TNXB: variants seen among roughly 807,000 people sequenced by gnomAD.
The protein encoded by TNXB is tenascin XB, also known as tenascin-X.
In TNXB, 183 loss-of-function variants were observed where a neutral mutation model predicts 340.5. That is an observed-to-expected ratio of 0.54 (90% CI 0.48 to 0.61). TNXB has a LOEUF of 0.61. Among genes scored for constraint, TNXB ranks in the 20% least tolerant of loss-of-function variants. The pLI, the probability that TNXB is intolerant of heterozygous loss-of-function variation, is 0.00. For missense variants in TNXB, 4,613 were observed against 5,446.4 expected (o/e 0.85, Z 4.82); for synonymous variants, 2,121 against 2,314.5 (o/e 0.92, Z 2.40).
At chr6:32,093,216 G>C in intron 4 of TNXB, 1 of 606,064 alleles carries the variant, frequency 1.6e-6, no homozygotes, top group Non-Finnish European at 3.0e-6. Flanking sequence ...GAAGAGAGTG[G>C]GAGAAACACT....
rs1780333582 is a variant in TNXB, at chr6:32,096,155, G to T, written c.1698C>A (p.Arg566=). ...TRSCPGGCRG[R]GQCLDGRCVC... ...CACACCGCCCATCTAGGCACTGGCC[G>T]CGGCCTCGGCAGCCCCCGGGGCAGC... Residue 566 remains arginine (R), a synonymous_variant, in exon 3 of 44, where the codon CGC becomes CGA. Coordinates refer to ENST00000644971, the MANE Select transcript of TNXB (RefSeq NM_001365276.2). 1.3e-6 allele frequency: 2 copies of T among 1,584,616 alleles called. No individual in the cohort carries two copies. The highest frequency in any genetic ancestry group is 1.8e-5 in the Admixed American group (1 of 55,072).
chr6:32,073,855 G>A lies in TNXB; in HGVS notation c.4473C>T (p.Gly1491=), dbSNP rs1326660205. The change falls in exon 12 of 44, where the codon GGC becomes GGT. Residue 1491 remains glycine (G), a synonymous_variant. Coordinates refer to ENST00000644971, the MANE Select transcript of TNXB (RefSeq NM_001365276.2). The surrounding 1 kb of genome is among the most constrained non-coding windows in gnomAD (Gnocchi z 4.6). ...TVTDVTPNSV[G]LSWTVPEGQF... is the part of the protein sequence containing the mutation. ...GGCCCTCGGGGACTGTCCAGGAGAGGCCCACAGAGTTGGGGGTCACATCTG... is the reference window on the plus strand; with the variant it reads ...GGCCCTCGGGGACTGTCCAGGAGAGACCCACAGAGTTGGGGGTCACATCTG... 1 of 1,611,284 alleles carries A rather than the reference G, an allele frequency of 6.2e-7. No homozygotes were observed. Among genetic ancestry groups the A allele is most frequent in the Non-Finnish European group, 8.5e-7 (1 of 1,179,014 alleles).
Position 32,062,163 on chromosome 6 carries a change from C to A in TNXB, c.7162G>T (p.Val2388Leu), listed in dbSNP as rs778426181. The A allele has an allele frequency of 5.6e-6, 9 of 1,610,508 alleles. No homozygotes were observed. The Admixed American group carries it at 8.3e-5, about 15-fold the overall frequency. ...GCTCCCATCGTCCACTCACCTGTCA[C>A]CCCGATGGCAGACACGGGGCCCACA... Reference protein sequence around the residue: ...QRVGPVSAIGVTAAEEETPSP... With the variant: ...QRVGPVSAIGLTAAEEETPSP... The change falls in exon 20 of 44, where the codon GTG (valine) becomes TTG (leucine). Residue 2388 changes from valine (V) to leucine (L), a missense_variant. Physicochemically the swap from Val to Leu is conservative, Grantham distance 32. Transcript: ENST00000644971. The surrounding 1 kb of genome is among the most constrained non-coding windows in gnomAD (Gnocchi z 4.3).
rs1279482319 is a variant in TNXB at position 32,070,132 on chromosome 6, G to A, written c.5273C>T (p.Thr1758Ile). ...CTGCAGGGAATGCCCCTCACCCGTG[G>A]TGCCGTCGGCAGTGAGAGGGCCATG... ...KRHGPLTADGTTEARSAMDDT... is the reference protein window; with the variant it reads ...KRHGPLTADGITEARSAMDDT... The change falls in exon 14 of 44, where the codon ACC (threonine) becomes ATC (isoleucine). Residue 1758 changes from threonine to isoleucine, a missense_variant. Physicochemically the swap from Thr to Ile is moderately conservative, Grantham distance 89. This residue lies in a region of TNXB where 4,327 missense variants were observed against 4,859.4 expected (regional missense o/e 0.89). Coordinates refer to ENST00000644971, the MANE Select transcript of TNXB (RefSeq NM_001365276.2). This position sits in a 1 kb window ranked among gnomAD's most constrained non-coding sequence, Gnocchi z 6.0. 1 of 1,566,890 alleles carries A rather than the reference G, an allele frequency of 6.4e-7. No homozygotes were observed. Among genetic ancestry groups the A allele is most frequent in the Non-Finnish European group, 8.7e-7 (1 of 1,152,834 alleles).
rs1207470785 is a variant in TNXB, at chr6:32,107,840, T to C, written c.-9+1341A>G. On this transcript the variant is annotated intron_variant, in intron 1 of 43. Transcript: ENST00000644971. ...CTACACCCTCAGTTGAATCTGGCAATGAGAGGTGAAGGTAGAAGGATTCTA... is the reference window on the plus strand; with the variant it reads ...CTACACCCTCAGTTGAATCTGGCAACGAGAGGTGAAGGTAGAAGGATTCTA... 2.0e-5 allele frequency among the ~76,000 whole-genome samples: 3 copies of C among 151,832 alleles called. No homozygotes were observed. The East Asian group carries it at 5.8e-4, about 29-fold the overall frequency.
Position 32,088,835 on chromosome 6 carries a change from G to T in TNXB, c.2729C>A (p.Ala910Glu). The T allele has an allele frequency of 6.3e-7, 1 of 1,582,432 alleles. No individual in the cohort carries two copies. Among genetic ancestry groups the T allele is most frequent in the Non-Finnish European group, 8.6e-7 (1 of 1,164,732 alleles). The change falls in exon 6 of 44, where the codon GCG becomes GAG. Residue 910 changes from alanine (A) to glutamate (E), a missense_variant. By Grantham distance (107) the Ala-to-Glu change is moderately radical. Coordinates refer to ENST00000644971, the MANE Select transcript of TNXB (RefSeq NM_001365276.2). ...GTAGCTGACTGCCCGGCCCCGCTCCGCTGTGACAGTCACCACATATTCTAC... is the reference window on the plus strand; with the variant it reads ...GTAGCTGACTGCCCGGCCCCGCTCCTCTGTGACAGTCACCACATATTCTAC... ...PGVEYVVTVTAERGRAVSYPA... is the reference protein window; with the variant it reads ...PGVEYVVTVTEERGRAVSYPA...
rs1217348513 is a variant in TNXB at position 32,068,031 on chromosome 6, G to A, written c.6221-47C>T. 1 of 1,584,832 alleles carries A rather than the reference G, an allele frequency of 6.3e-7. No individual in the cohort carries two copies. The highest frequency in any genetic ancestry group is 1.3e-5 in the African/African-American group (1 of 74,232). ...TGAGGGGGATGTCCTTGGGTACTGG[G>A]GAAAAGGAGGGAGAAGCCAAGGCTA... On this transcript the variant is annotated intron_variant, in intron 17 of 43. Transcript: ENST00000644971. This position sits in a 1 kb window ranked among gnomAD's most constrained non-coding sequence, Gnocchi z 5.3.
chr6:32,081,454 A>G lies in TNXB; in HGVS notation c.3956T>C (p.Leu1319Pro). 1 of 1,588,880 alleles carries G rather than the reference A, an allele frequency of 6.3e-7. No homozygotes were observed. Among genetic ancestry groups the G allele is most frequent in the Non-Finnish European group, 8.6e-7 (1 of 1,167,464 alleles). ...CATCTTATACTTCCGGTCGGGATCC[A>G]GGCCGGGGACAGTAACCTCATTCTC... is the stretch of plus-strand genomic sequence containing the variant. ...GDENEVTVPG[L>P]DPDRKYKMNL... The change falls in exon 10 of 44, where the codon CTG becomes CCG. Residue 1319 changes from leucine (L) to proline (P), a missense_variant. Around this residue, in one of 7 missense-constraint regions of TNXB, gnomAD observed 4,327 missense variants for 4,859.4 expected, o/e 0.89. Coordinates refer to ENST00000644971, the MANE Select transcript of TNXB (RefSeq NM_001365276.2). The surrounding 1 kb of genome is among the most constrained non-coding windows in gnomAD (Gnocchi z 5.1).
Position 32,084,324 on chromosome 6 carries a change from T to C in TNXB, c.3445+89A>G, listed in dbSNP as rs1010907938. ...CATGCACCACTGCCTCCAGGAAGCC[T>C]TCCCGGAGCTCCCAAAGCAGGTTCC... On this transcript the variant is annotated intron_variant, in intron 8 of 43. Coordinates refer to ENST00000644971, the MANE Select transcript of TNXB (RefSeq NM_001365276.2). This position sits in a 1 kb window ranked among gnomAD's most constrained non-coding sequence, Gnocchi z 5.5. 5 of 1,124,138 alleles carry C rather than the reference T, an allele frequency of 4.4e-6. No individual in the cohort carries two copies. The highest frequency in any genetic ancestry group is 6.0e-6 in the Non-Finnish European group (5 of 839,174). 69.6% of individuals were successfully genotyped at this position (1,124,138 alleles called of 1,614,324 possible).
chr6:32,095,726 G>A lies in TNXB; in HGVS notation c.2127C>T (p.Phe709=). 1.2e-6 allele frequency: 2 copies of A among 1,613,996 alleles called. No homozygotes were observed. The highest frequency in any genetic ancestry group is 1.7e-6 in the Non-Finnish European group (2 of 1,179,880). Reference sequence around the variant, plus strand: ...TCTGGATGGCACAGTCAGGGCCTCGGAAGCCCTCTACACACACACACTGGC... The same window carrying A: ...TCTGGATGGCACAGTCAGGGCCTCGAAAGCCCTCTACACACACACACTGGC... ...RAGQCVCVEG[F]RGPDCAIQTC... is the part of the protein sequence containing the mutation. Residue 709 remains phenylalanine (F), a synonymous_variant, in exon 3 of 44, where the codon TTC becomes TTT. Coordinates refer to ENST00000644971, the MANE Select transcript of TNXB (RefSeq NM_001365276.2).
In TNXB at chr6:32,087,565, C is replaced by T. The variant is rs1417617667; in HGVS notation, c.2779+1220G>A. ...GCCTTCAGGCGAGAGGCCGTAGATT[C>T]CCTGGTTGGAGTCCCGTTTCCTGGT... On this transcript the variant is annotated intron_variant, in intron 6 of 43. Transcript: ENST00000644971. The surrounding 1 kb of genome is among the most constrained non-coding windows in gnomAD (Gnocchi z 9.0). The T allele has an allele frequency of 7.0e-6, 3 of 426,356 alleles. No homozygotes were observed. The highest frequency in any genetic ancestry group is 1.4e-5 in the Non-Finnish European group (3 of 213,004). The allele number at this position is 426,356 out of a possible 1,614,324, so 26.4% of individuals were successfully genotyped here.
chr6:32,098,669 C>T (rs1434715461), intron 1 of TNXB, among the ~76,000 whole-genome samples: 1 of 151,976 alleles, frequency 6.6e-6, no homozygotes, highest in African/African-American at 2.4e-5. Flanking sequence ...TAGTAGAGAC[C>T]GGGTTTCTCC....
chr6:32,064,957 G>A lies in TNXB; in HGVS notation c.6705C>T (p.Pro2235=). Reference sequence around the variant, plus strand: ...CGTGTCCCGGCACCCGCACCGCCTTGGGCTGCCCGTCCCCATTCTTAAACT... The same window carrying A: ...CGTGTCCCGGCACCCGCACCGCCTTAGGCTGCCCGTCCCCATTCTTAAACT... The part of the protein sequence containing the change: ...LVQFKNGDGQ[P]KAVRVPGHED... Residue 2235 remains proline, a synonymous_variant, in exon 19 of 44, where the codon CCC becomes CCT. Transcript: ENST00000644971. The surrounding 1 kb of genome is among the most constrained non-coding windows in gnomAD (Gnocchi z 5.3). 6.2e-7 allele frequency: 1 copy of A among 1,612,826 alleles called. No homozygotes were observed. The highest frequency in any genetic ancestry group is 8.5e-7 in the Non-Finnish European group (1 of 1,179,864).
intron 23 of TNXB, 73 bp downstream of exon 23, chr6:32,056,513 A>T (rs1448318337): frequency 6.4e-7 from 1 of 1,566,324 alleles, no homozygotes; most frequent in Non-Finnish European, 8.7e-7. Flanking sequence ...CCCATTCCCC[A>T]CCAGTCATCA....
At chr6:32,057,063 C>A (rs1232927496) in intron 22 of TNXB, among the ~76,000 whole-genome samples, 160 bp from the exon 23 acceptor site, 1 of 152,008 alleles carries the variant, frequency 6.6e-6, no homozygotes, top group Non-Finnish European at 1.5e-5. Flanking sequence ...TGTGGCCTTT[C>A]CTATCCCTCA....
chr6:32,108,722 G>A lies in TNXB; in HGVS notation c.-9+459C>T, dbSNP rs2269426. Among the ~76,000 whole-genome samples the A allele has an allele frequency of 0.35, 52,590 of 151,994 alleles. 9,743 individuals carry two copies. The highest frequency in any genetic ancestry group is 0.4 in the Middle Eastern group (117 of 292). Reference sequence around the variant, plus strand: ...CTGGAGCCTGGAGCCCCCAGAGCCTGGGCTCAGCTGCTCTAGCCCGACATT... The same window carrying A: ...CTGGAGCCTGGAGCCCCCAGAGCCTAGGCTCAGCTGCTCTAGCCCGACATT... On this transcript the variant is annotated intron_variant, in intron 1 of 43. Coordinates refer to ENST00000644971, the MANE Select transcript of TNXB (RefSeq NM_001365276.2). This position sits in a 1 kb window ranked among gnomAD's most constrained non-coding sequence, Gnocchi z 4.8.
chr6:32,092,062 C>T (rs530564149), intron 4 of TNXB, among the ~76,000 whole-genome samples: 1 of 152,208 alleles, frequency 6.6e-6, no homozygotes, highest in Non-Finnish European at 1.5e-5. Flanking sequence ...CTTTCTCTCA[C>T]ATTCATAGTG....
Position 32,095,784 on chromosome 6 carries a change from C to T in TNXB, c.2069G>A (p.Gly690Glu). 1 of 1,613,550 alleles carries T rather than the reference C, an allele frequency of 6.2e-7. No homozygotes were observed. Among genetic ancestry groups the T allele is most frequent in the Non-Finnish European group, 8.5e-7 (1 of 1,179,720 alleles). Residue 690 changes from glycine (G) to glutamate (E), a missense_variant, in exon 3 of 44, where the codon GGA (glycine) becomes GAA (glutamate). Physicochemically the swap from Gly to Glu is moderately conservative, Grantham distance 98 (BLOSUM62 -2). This residue lies in a region of TNXB where 4,327 missense variants were observed against 4,859.4 expected (regional missense o/e 0.89). Transcript: ENST00000644971. ...GCACAGTTCCCGGGGCCCGCAGCCT[C>T]CAGGGCAGGCGCTGGCTGGAGGCTC... ...QEEPPASACP[G>E]GCGPRELCRA...
In TNXB at chr6:32,089,618, C is replaced by T. The variant is rs991464903; in HGVS notation, c.2359-239G>A. Among the ~76,000 whole-genome samples the T allele has an allele frequency of 2.6e-5, 4 of 152,160 alleles. No homozygotes were observed. Among genetic ancestry groups the T allele is most frequent in the Non-Finnish European group, 5.9e-5 (4 of 68,024 alleles). On this transcript the variant is annotated intron_variant, in intron 4 of 43. Coordinates refer to ENST00000644971, the MANE Select transcript of TNXB (RefSeq NM_001365276.2). The surrounding 1 kb of genome is among the most constrained non-coding windows in gnomAD (Gnocchi z 6.2). ...TCACAACAACCCTACGAAACAGGTCCTATTAGTCCCATTTTACAGATAAGG... is the reference window on the plus strand; with the variant it reads ...TCACAACAACCCTACGAAACAGGTCTTATTAGTCCCATTTTACAGATAAGG...
Sources: allele counts gnomAD v4.1 joint callset (sites outside exome capture counted in the v4.1 genomes callset), GRCh38; gene constraint gnomAD v4.1.1; regional missense constraint gnomAD v4.1.1; non-coding constraint Gnocchi (gnomAD v3.1); transcripts MANE v1.5; gene names NCBI Gene and HGNC (gene_info 2026-07-23, HGNC 2026-07-21).